MPC2: variants seen among roughly 807,000 people sequenced by gnomAD.
The protein encoded by MPC2 is brain protein 44.
In MPC2, 19 loss-of-function variants were observed where a neutral mutation model predicts 19.2. That is an observed-to-expected ratio of 0.99 (90% CI 0.69 to 1.45). MPC2 has a LOEUF of 1.45. Among genes scored for constraint, MPC2 ranks in the 40% most tolerant of loss-of-function variants. The pLI is 0.00. For missense variants in MPC2, 122 were observed against 153.0 expected (o/e 0.80, Z 1.07); for synonymous variants, 61 against 54.3 (o/e 1.12, Z -0.54).
intron 2 of MPC2, among the ~76,000 whole-genome samples, chr1:167,924,847 GT>G (rs1474243183): frequency 6.6e-6 from 1 of 152,038 alleles, no homozygotes; most frequent in Non-Finnish European, 1.5e-5. Context: ...TTTCATACTA[GT>G]TTTACACTCA....
chr1:167,933,533 A>G (rs1047996152), intron 2 of MPC2, among the ~76,000 whole-genome samples: 6 of 152,358 alleles, frequency 3.9e-5, no homozygotes, highest in African/African-American at 1.4e-4. Context: ...TCAAAAATCT[A>G]GAATCAGCAA....
intron 5 of MPC2, among the ~76,000 whole-genome samples, chr1:167,918,628 C>G (rs1347948051): frequency 6.7e-6 from 1 of 148,298 alleles, no homozygotes; most frequent in East Asian, 2.0e-4. Flanking sequence ...GAGTCTCACT[C>G]TGTCGCCCAG....
At chr1:167,924,458 T>A (rs555501091) in intron 3 of MPC2, 39 bp downstream of exon 3, 2 of 1,552,946 alleles carry the variant, frequency 1.3e-6, no homozygotes, top group African/African-American at 2.8e-5. Context: ...TATTAAGGAA[T>A]TTGTCTTTCA....
intron 1 of MPC2, 95 bp downstream of exon 1, chr1:167,936,844 G>T (rs1178619763): frequency 7.4e-7 from 1 of 1,354,604 alleles, no homozygotes; most frequent in Non-Finnish European, 1.0e-6. Context: ...TGTTGAAACG[G>T]GTGTCCCCTC....
intron 2 of MPC2, among the ~76,000 whole-genome samples, chr1:167,926,938 C>T (rs1230623086): frequency 1.3e-5 from 2 of 152,184 alleles, no homozygotes; most frequent in Non-Finnish European, 2.9e-5. Flanking sequence ...TAAATTGCTC[C>T]TTCTCTTAAC....
At chr1:167,929,285 G>A (rs924918899) in intron 2 of MPC2, among the ~76,000 whole-genome samples, 1 of 152,112 alleles carries the variant, frequency 6.6e-6, no homozygotes, top group Non-Finnish European at 1.5e-5. Context: ...CTAGAACCCA[G>A]GAGGCAGAGG....
At chr1:167,936,124 A>C in intron 1 of MPC2, 6 of 474,420 alleles carry the variant, frequency 1.3e-5, no homozygotes, top group Non-Finnish European at 2.0e-5. Context: ...TGCCAAAATA[A>C]TCACCTCACC....
rs1671264550 is a variant in MPC2, at chr1:167,936,669, T to C, written c.-58+270A>G. On this transcript the variant is annotated intron_variant, in intron 1 of 5. Coordinates refer to ENST00000271373, the MANE Select transcript of MPC2 (RefSeq NM_001143674.4). ...TTGGAGGGGGGCTGAGGGAGGAGACTGTTGCTGATCTTTGGATGTTCTGGT... is the reference window on the plus strand; with the variant it reads ...TTGGAGGGGGGCTGAGGGAGGAGACCGTTGCTGATCTTTGGATGTTCTGGT... The C allele has an allele frequency of 6.6e-6, 3 of 453,518 alleles. No individual in the cohort carries two copies. In the Admixed American group the frequency reaches 1.3e-4, roughly 19 times the overall value. The allele number at this position is 453,518 out of a possible 1,614,324, so 28.1% of individuals were successfully genotyped here.
chr1:167,925,442 C>CATATATATATATATATATATATAT (rs369657697), intron 2 of MPC2, among the ~76,000 whole-genome samples: 8 of 82,454 alleles, frequency 9.7e-5, no homozygotes, highest in Non-Finnish European at 1.4e-4. Context: ...TACATATACA[C>CATATATATATATATATATATATAT]ATATATATAT....
intron 3 of MPC2, among the ~76,000 whole-genome samples, chr1:167,921,658 T>C (rs1670605822): frequency 6.6e-6 from 1 of 152,190 alleles, no homozygotes; most frequent in Non-Finnish European, 1.5e-5. Context: ...GTCACTATGT[T>C]TGTCCCCAAT....
chr1:167,924,607 C>A (rs1670687625), intron 2 of MPC2, 70 bp from the exon 3 acceptor site: 3 of 1,147,046 alleles, frequency 2.6e-6, no homozygotes, highest in South Asian at 1.7e-5. Context: ...TAACAGCTGT[C>A]ACCAAATTTT....
intron 2 of MPC2, among the ~76,000 whole-genome samples, chr1:167,932,865 T>G (rs572790257): frequency 7.1e-6 from 1 of 140,792 alleles, no homozygotes; most frequent in African/African-American, 2.6e-5. Context: ...CTGGGCAACA[T>G]AACTTCAAGA....
chr1:167,922,126 T>C (rs1232814255), intron 3 of MPC2, among the ~76,000 whole-genome samples: 1 of 152,120 alleles, frequency 6.6e-6, no homozygotes, highest in South Asian at 2.1e-4. Context: ...TAAAACACAG[T>C]AAGAGGTATA....
rs1243350484 is a variant in MPC2 at position 167,917,674 on chromosome 1, G to A, written c.*649C>T. ...TCAAATTCAGGTCTGTCTGAATATAGAGTATTTTCTGCTACATTATCAGTT... is the reference window on the plus strand; with the variant it reads ...TCAAATTCAGGTCTGTCTGAATATAAAGTATTTTCTGCTACATTATCAGTT... On this transcript the variant is annotated 3_prime_UTR_variant, in exon 6 of 6. Coordinates refer to ENST00000271373, the MANE Select transcript of MPC2 (RefSeq NM_001143674.4). 6.6e-6 allele frequency: 1 copy of A among 150,472 alleles called. No homozygotes were observed. Among genetic ancestry groups the A allele is most frequent in the African/African-American group, 2.4e-5 (1 of 40,886 alleles). The allele number at this position is 150,472 out of a possible 1,614,324, so 9.3% of individuals were successfully genotyped here. A position where few individuals can be genotyped will look rare whatever the true frequency, so the allele number is the denominator to read the frequency against.
At chr1:167,924,399 T>TA (rs1670679553) in intron 3 of MPC2, 98 bp downstream of exon 3, 1 of 969,048 alleles carries the variant, frequency 1.0e-6, no homozygotes, top group African/African-American at 1.7e-5. Flanking sequence ...ATACCAAGAA[T>TA]ACTCTAAAGT....
chr1:167,923,838 A>G (rs1670664460), intron 3 of MPC2, among the ~76,000 whole-genome samples: 2 of 152,156 alleles, frequency 1.3e-5, no homozygotes, highest in Admixed American at 1.3e-4. Context: ...GATGGGGCCT[A>G]ACAAGTTCTC....
At position 167,924,460 on chromosome 1, in the gene MPC2, T is replaced by C. The variant is rs752279305; in HGVS notation, c.150+37A>G. Reference sequence around the variant, plus strand: ...ATTAGTAAATTCCTATTAAGGAATTTGTCTTTCAGTAGCTTCCGTAAAAAC... The same window carrying C: ...ATTAGTAAATTCCTATTAAGGAATTCGTCTTTCAGTAGCTTCCGTAAAAAC... On this transcript the variant is annotated intron_variant, in intron 3 of 5. Coordinates refer to ENST00000271373, the MANE Select transcript of MPC2 (RefSeq NM_001143674.4). 5.8e-6 allele frequency: 9 copies of C among 1,559,998 alleles called. No homozygotes were observed. In the South Asian group the frequency reaches 9.4e-5, roughly 16 times the overall value.
rs1473683980 is a variant in MPC2 at position 167,920,646 on chromosome 1, A to G, written c.151-15T>C. 2 of 1,602,434 alleles carry G rather than the reference A, an allele frequency of 1.2e-6. No homozygotes were observed. The highest frequency in any genetic ancestry group is 2.3e-5 in the South Asian group (2 of 88,122). On this transcript the variant is annotated splice_polypyrimidine_tract_variant and intron_variant, in intron 3 of 5. Coordinates refer to ENST00000271373, the MANE Select transcript of MPC2 (RefSeq NM_001143674.4). Reference sequence around the variant, plus strand: ...CACACCAACCCCTACACATTAACGCATAGAAAGAAAAAAAGTATCACAAAT... The same window carrying G: ...CACACCAACCCCTACACATTAACGCGTAGAAAGAAAAAAAGTATCACAAAT...
At chr1:167,927,163 G>T (rs1043916474) in intron 2 of MPC2, among the ~76,000 whole-genome samples, 1 of 152,298 alleles carries the variant, frequency 6.6e-6, no homozygotes, top group African/African-American at 2.4e-5. Context: ...CCTCGACACT[G>T]CTTCATCCTC....
Sources: gnomAD v4.1 joint callset for allele counts (sites outside exome capture counted in the v4.1 genomes callset) on GRCh38, gnomAD v4.1.1 for gene constraint, MANE v1.5 for transcripts, NCBI Gene and HGNC (gene_info 2026-07-23, HGNC 2026-07-21) for gene names.